The following NCAM1 variants were observed in gnomAD, a reference collection of about 807,000 sequenced individuals.
NCAM1 encodes the protein antigen recognized by monoclonal antibody 5.1H11.
In NCAM1, 14 loss-of-function variants were observed where a neutral mutation model predicts 109.8. The ratio of observed to expected loss-of-function variants is 0.13; its 90% CI spans 0.08 to 0.20. NCAM1 has a LOEUF of 0.20. Ranked by LOEUF, NCAM1 falls within the 10% of genes least tolerant of loss-of-function variation. The pLI is 1.00. For missense variants in NCAM1, 774 were observed against 1,109.9 expected (o/e 0.70, Z 4.30); for synonymous variants, 418 against 442.9 (o/e 0.94, Z 0.70).
intron 15 of NCAM1, among the ~76,000 whole-genome samples, chr11:113,250,102 A>T (rs556556095): frequency 2.8e-4 from 43 of 152,324 alleles, no homozygotes; most frequent in African/African-American, 1.0e-3. Flanking sequence ...TGAAGAGAAA[A>T]GGGTTCAGGG....
chr11:113,198,990 G>A (rs145571368), intron 1 of NCAM1, among the ~76,000 whole-genome samples: 1 of 152,296 alleles, frequency 6.6e-6, no homozygotes, highest in African/African-American at 2.4e-5. Flanking sequence ...CACAAAAGAG[G>A]GCTTGGGGGA....
intron 1 of NCAM1, among the ~76,000 whole-genome samples, chr11:113,180,143 T>C (rs1323566365): frequency 2.0e-5 from 3 of 152,204 alleles, no homozygotes; most frequent in African/African-American, 7.2e-5. Context: ...GGCTCTGTGC[T>C]GAGCATTCTC....
intron 13 of NCAM1, 48 bp from the exon 14 acceptor site, chr11:113,234,985 A>G (rs1945120365): frequency 6.6e-7 from 1 of 1,517,226 alleles, no homozygotes; most frequent in Admixed American, 2.1e-5. Context: ...GAGCGGCTGC[A>G]CCATTTTAAC....
At chr11:113,137,606 A>T (rs1274911133) in intron 1 of NCAM1, among the ~76,000 whole-genome samples, 1 of 152,198 alleles carries the variant, frequency 6.6e-6, no homozygotes, top group Non-Finnish European at 1.5e-5. Context: ...TTTTGGCAAA[A>T]CTCATTATTA....
chr11:113,125,813 C>A (rs923943232), intron 1 of NCAM1, among the ~76,000 whole-genome samples: 8 of 152,140 alleles, frequency 5.3e-5, no homozygotes, highest in African/African-American at 1.7e-4. Flanking sequence ...GATCCTAAAT[C>A]TTTGAGTCTT....
chr11:113,125,637 G>C (rs563147001), intron 1 of NCAM1, among the ~76,000 whole-genome samples: 1 of 152,112 alleles, frequency 6.6e-6, no homozygotes, highest in East Asian at 1.9e-4. Context: ...AAAGGTGGGC[G>C]GTCTGCTCAG....
At chr11:113,110,483 T>C (rs1940397205) in intron 1 of NCAM1, among the ~76,000 whole-genome samples, 1 of 152,164 alleles carries the variant, frequency 6.6e-6, no homozygotes, top group Admixed American at 6.5e-5. Flanking sequence ...CATGCCCTAT[T>C]GTGGTATGAA....
intron 1 of NCAM1, among the ~76,000 whole-genome samples, chr11:113,125,653 G>T (rs1270599073): frequency 6.6e-6 from 1 of 152,192 alleles, no homozygotes; most frequent in East Asian, 1.9e-4. Flanking sequence ...CTCAGAGCCC[G>T]CTGGGCAGAG....
intron 1 of NCAM1, among the ~76,000 whole-genome samples, chr11:113,071,911 G>A (rs1234910174): frequency 6.6e-6 from 1 of 152,108 alleles, no homozygotes; most frequent in Non-Finnish European, 1.5e-5. Context: ...TTAGGAGGCC[G>A]AAGCAGGTGG....
At chr11:113,160,157 G>A (rs1354217825) in intron 1 of NCAM1, among the ~76,000 whole-genome samples, 5 of 152,188 alleles carry the variant, frequency 3.3e-5, no homozygotes, top group Admixed American at 6.5e-5. Context: ...TCCTATCAGC[G>A]CCTGAGGTCA....
chr11:113,021,650 C>G (rs1952387665), intron 1 of NCAM1, among the ~76,000 whole-genome samples: 1 of 152,168 alleles, frequency 6.6e-6, no homozygotes, highest in Non-Finnish European at 1.5e-5. Context: ...CTCTGTTACA[C>G]AAAATGCAAC....
intron 1 of NCAM1, among the ~76,000 whole-genome samples, chr11:113,160,420 C>T (rs72997785): frequency 3.6e-4 from 55 of 152,224 alleles, no homozygotes; most frequent in Non-Finnish European, 4.9e-4. Flanking sequence ...TTATGTTGCC[C>T]AATTTTCCTG....
chr11:113,073,581 A>G (rs1470115381), intron 1 of NCAM1, among the ~76,000 whole-genome samples: 1 of 152,148 alleles, frequency 6.6e-6, no homozygotes, highest in Non-Finnish European at 1.5e-5. Flanking sequence ...TTTTACTTAT[A>G]AGGTTATTTT....
At chr11:113,159,723 T>C (rs1356120337) in intron 1 of NCAM1, among the ~76,000 whole-genome samples, 1 of 152,158 alleles carries the variant, frequency 6.6e-6, no homozygotes, top group Non-Finnish European at 1.5e-5. Flanking sequence ...TTTTTTATTA[T>C]ACTTTAAGTT....
chr11:113,209,821 G>A (rs1555113407), intron 7 of NCAM1, among the ~76,000 whole-genome samples: 1 of 152,228 alleles, frequency 6.6e-6, no homozygotes, highest in African/African-American at 2.4e-5. Flanking sequence ...TATGCACAGT[G>A]TTTTATAGGA....
chr11:112,979,734 T>C (rs1009586797), intron 1 of NCAM1, among the ~76,000 whole-genome samples: 2 of 151,794 alleles, frequency 1.3e-5, no homozygotes, highest in African/African-American at 4.8e-5. Context: ...TCTCTTGGGG[T>C]TGGGTGCAGA....
chr11:113,134,195 A>G (rs1284967380), intron 1 of NCAM1, among the ~76,000 whole-genome samples: 1 of 152,332 alleles, frequency 6.6e-6, no homozygotes, highest in East Asian at 1.9e-4. Flanking sequence ...TGTAAGAATT[A>G]AACTACTTTA....
chr11:113,088,231 G>C (rs533970277), intron 1 of NCAM1, among the ~76,000 whole-genome samples: 1 of 152,300 alleles, frequency 6.6e-6, no homozygotes, highest in South Asian at 2.1e-4. Flanking sequence ...TTGACATCTT[G>C]TCTCTAACTT....
chr11:113,121,150 G>C (rs1192765797), intron 1 of NCAM1, among the ~76,000 whole-genome samples: 1 of 151,938 alleles, frequency 6.6e-6, no homozygotes, highest in African/African-American at 2.4e-5. Context: ...AGGATTAGGG[G>C]GGTGGCCTCC....
Sources: gnomAD v4.1 joint callset for allele counts (sites outside exome capture counted in the v4.1 genomes callset) on GRCh38, gnomAD v4.1.1 for gene constraint, MANE v1.5 for transcripts, NCBI Gene and HGNC (gene_info 2026-07-23, HGNC 2026-07-21) for gene names.